The following SLC35F3 variants were observed in gnomAD, a reference collection of about 807,000 sequenced individuals.
SLC35F3 encodes the protein solute carrier family 35 member F3.
In SLC35F3, 25 loss-of-function variants were observed where a neutral mutation model predicts 49.9. That is an observed-to-expected ratio of 0.50 (90% CI 0.37 to 0.70). The LOEUF is 0.70. SLC35F3 is among the 30% of genes least tolerant of loss of function. The probability of loss-of-function intolerance (pLI) is 0.00; values close to 1 mark genes in which losing one functional copy is unlikely to be tolerated. For synonymous variants in SLC35F3, 275 were observed against 265.4 expected (o/e 1.04, Z -0.35); for missense variants, 525 against 639.8 (o/e 0.82, Z 1.94).
intron 2 of SLC35F3, among the ~76,000 whole-genome samples, chr1:233,995,222 A>G (rs973148861): frequency 6.6e-6 from 1 of 152,214 alleles, no homozygotes; most frequent in Admixed American, 6.5e-5. Context: ...TCCTTGATCA[A>G]ATACTGACAT....
At chr1:233,972,438 A>G (rs1476407652) in intron 2 of SLC35F3, among the ~76,000 whole-genome samples, 2 of 152,200 alleles carry the variant, frequency 1.3e-5, no homozygotes, top group African/African-American at 4.8e-5. Flanking sequence ...GTGAAGAGTA[A>G]TGATTAAGAG....
At chr1:234,174,248 C>T (rs528881818) in intron 2 of SLC35F3, among the ~76,000 whole-genome samples, 31 of 152,286 alleles carry the variant, frequency 2.0e-4, no homozygotes, top group African/African-American at 6.0e-4. Context: ...CATGTGTACC[C>T]TGAGAACAAG....
chr1:234,241,229 C>T (rs1013492981), intron 3 of SLC35F3, among the ~76,000 whole-genome samples: 1 of 152,112 alleles, frequency 6.6e-6, no homozygotes, highest in Admixed American at 6.5e-5. Flanking sequence ...ATAACTAACC[C>T]ACTTTCCTGC....
At chr1:233,928,241 T>G (rs542522885) in intron 2 of SLC35F3, among the ~76,000 whole-genome samples, 43 of 152,288 alleles carry the variant, frequency 2.8e-4, no homozygotes, top group African/African-American at 1.0e-3. Context: ...AATGGGATAA[T>G]TTTCTGAGCA....
intron 2 of SLC35F3, among the ~76,000 whole-genome samples, chr1:234,100,017 GC>G (rs970778505): frequency 2.2e-4 from 34 of 152,264 alleles, no homozygotes; most frequent in African/African-American, 7.7e-4. Context: ...ATTAAACATG[GC>G]AGTAGCAGAC....
chr1:234,215,606 T>C (rs1308383294), intron 2 of SLC35F3, among the ~76,000 whole-genome samples: 1 of 152,230 alleles, frequency 6.6e-6, no homozygotes, highest in African/African-American at 2.4e-5. Flanking sequence ...CGACAGAGCC[T>C]GGCTTCTGCC....
At chr1:234,126,773 G>T (rs1055241716) in intron 2 of SLC35F3, among the ~76,000 whole-genome samples, 3 of 152,130 alleles carry the variant, frequency 2.0e-5, no homozygotes, top group Non-Finnish European at 4.4e-5. Context: ...ATAGCTCACT[G>T]CAGCCTTGAA....
At chr1:234,275,225 C>G (rs1007734158) in intron 3 of SLC35F3, among the ~76,000 whole-genome samples, 2 of 152,126 alleles carry the variant, frequency 1.3e-5, no homozygotes, top group Admixed American at 6.5e-5. Flanking sequence ...AAATTACCCT[C>G]AGGCTATGTG....
chr1:234,297,969 G>A (rs1222857435), intron 3 of SLC35F3, among the ~76,000 whole-genome samples: 3 of 152,070 alleles, frequency 2.0e-5, no homozygotes, highest in Non-Finnish European at 4.4e-5. Flanking sequence ...TATGTTAAGT[G>A]TTCTTAACAC....
At chr1:234,136,692 C>T (rs181788932) in intron 2 of SLC35F3, among the ~76,000 whole-genome samples, 14 of 152,286 alleles carry the variant, frequency 9.2e-5, no homozygotes, top group Admixed American at 3.3e-4. Flanking sequence ...AATTAATGAA[C>T]GCATGAGAGT....
chr1:234,095,723 GT>G (rs1259418695), intron 2 of SLC35F3, among the ~76,000 whole-genome samples: 1 of 152,174 alleles, frequency 6.6e-6, no homozygotes, highest in African/African-American at 2.4e-5. Flanking sequence ...TCTAATCATA[GT>G]TCTGCCACTT....
At chr1:234,174,491 T>A (rs903964177) in intron 2 of SLC35F3, among the ~76,000 whole-genome samples, 1 of 152,254 alleles carries the variant, frequency 6.6e-6, no homozygotes, top group African/African-American at 2.4e-5. Context: ...ACTGTCTTAC[T>A]TAATCCCGCC....
intron 2 of SLC35F3, among the ~76,000 whole-genome samples, chr1:234,080,989 C>T (rs924546536): frequency 2.6e-5 from 4 of 152,124 alleles, no homozygotes; most frequent in Non-Finnish European, 4.4e-5. Flanking sequence ...TCTCTGTCCT[C>T]CCTACTTGCC....
intron 3 of SLC35F3, among the ~76,000 whole-genome samples, chr1:234,308,462 G>A (rs116309975): frequency 6.6e-6 from 1 of 151,468 alleles, no homozygotes; most frequent in Admixed American, 6.6e-5. Context: ...TTTTTTTTGC[G>A]ATTTCTTTTT....
intron 2 of SLC35F3, among the ~76,000 whole-genome samples, chr1:233,947,643 G>A (rs939664618): frequency 3.3e-5 from 5 of 150,398 alleles, no homozygotes; most frequent in South Asian, 4.2e-4. Context: ...GGAAACAGGC[G>A]TTTCTATGAT....
chr1:233,966,229 A>C (rs571123425), intron 2 of SLC35F3, among the ~76,000 whole-genome samples: 2 of 152,338 alleles, frequency 1.3e-5, no homozygotes, highest in Non-Finnish European at 2.9e-5. Flanking sequence ...GTAAAGAAAA[A>C]AGAGATAAGA....
chr1:234,022,826 A>T (rs1445184701), intron 2 of SLC35F3, among the ~76,000 whole-genome samples: 1 of 152,180 alleles, frequency 6.6e-6, no homozygotes, highest in East Asian at 1.9e-4. Flanking sequence ...TATTAATACT[A>T]ATACTAATAA....
intron 2 of SLC35F3, among the ~76,000 whole-genome samples, chr1:233,998,324 G>A (rs984298809): frequency 2.0e-5 from 3 of 151,912 alleles, no homozygotes; most frequent in Non-Finnish European, 4.4e-5. Flanking sequence ...AAATATGATA[G>A]CATCTAATTA....
At chr1:234,061,827 T>G (rs1263715856) in intron 2 of SLC35F3, among the ~76,000 whole-genome samples, 2 of 152,208 alleles carry the variant, frequency 1.3e-5, no homozygotes, top group African/African-American at 4.8e-5. Context: ...AATATTTGTC[T>G]CTTTAGTGGT....
Sources: allele counts gnomAD v4.1 joint callset (sites outside exome capture counted in the v4.1 genomes callset), GRCh38; gene constraint gnomAD v4.1.1; transcripts MANE v1.5; gene names NCBI Gene and HGNC (gene_info 2026-07-23, HGNC 2026-07-21).